The following DYNC2H1 variants were observed in gnomAD, a reference collection of about 807,000 sequenced individuals.
DYNC2H1 encodes the protein cytoplasmic dynein 2 heavy chain 1.
DYNC2H1 carries 410 observed loss-of-function variants against 570.0 expected under a neutral mutation model. The ratio of observed to expected loss-of-function variants is 0.72; its 90% CI spans 0.66 to 0.78. The LOEUF (loss-of-function observed/expected upper bound fraction) is 0.78. DYNC2H1 is among the 30% of genes least tolerant of loss of function. The pLI, the probability that DYNC2H1 is intolerant of heterozygous loss-of-function variation, is 0.00. For missense variants in DYNC2H1, 4,865 were observed against 5,046.4 expected, an observed-to-expected ratio of 0.96 and a Z score of 1.09; for synonymous variants, 1,688 against 1,677.6, an observed-to-expected ratio of 1.01 and a Z score of -0.15.
chr11:103,184,698 A>G (rs1312525240), intron 40 of DYNC2H1, among the ~76,000 whole-genome samples, 198 bp from the exon 41 acceptor site: 2 of 151,910 alleles, frequency 1.3e-5, no homozygotes, highest in Non-Finnish European at 2.9e-5. Context: ...GAAATATATG[A>G]TTGTACTTTC....
In DYNC2H1 at chr11:103,129,511, A is replaced by T. The variant is rs1321604346; in HGVS notation, c.1953+506A>T. 6.6e-6 allele frequency among the ~76,000 whole-genome samples: 1 copy of T among 152,030 alleles called. No individual in the cohort carries two copies. Among genetic ancestry groups the T allele is most frequent in the East Asian group, 1.9e-4 (1 of 5,174 alleles). On this transcript the variant is annotated intron_variant, in intron 13 of 88. Coordinates refer to ENST00000375735, the MANE Select transcript of DYNC2H1 (RefSeq NM_001377.3). The surrounding 1 kb of genome is among the most constrained non-coding windows in gnomAD (Gnocchi z 4.1). ...AGCCTGGCCAACATGGTGAAACCCCATCTCAACTAAAAATACAAAAAAATT... is the reference window on the plus strand; with the variant it reads ...AGCCTGGCCAACATGGTGAAACCCCTTCTCAACTAAAAATACAAAAAAATT...
intron 12 of DYNC2H1, among the ~76,000 whole-genome samples, chr11:103,127,194 A>G (rs868571743): frequency 2.0e-4 from 30 of 152,340 alleles, no homozygotes; most frequent in Middle Eastern, 3.4e-3. Context: ...ACTACTTAAA[A>G]GCAGAGAGGC....
In DYNC2H1 at chr11:103,245,493, T is replaced by C; in HGVS notation, c.10042+119T>C. On this transcript the variant is annotated intron_variant, in intron 65 of 88. Transcript: ENST00000375735. The surrounding 1 kb of genome is among the most constrained non-coding windows in gnomAD (Gnocchi z 4.5). Reference sequence around the variant, plus strand: ...GTGGAGTCACACATGATGGGCTTACTTCCTTCAGCAATATGTGTAAAGTTG... The same window carrying C: ...GTGGAGTCACACATGATGGGCTTACCTCCTTCAGCAATATGTGTAAAGTTG... The C allele has an allele frequency of 3.1e-6, 3 of 981,590 alleles. No individual in the cohort carries two copies. Among genetic ancestry groups the C allele is most frequent in the Non-Finnish European group, 2.9e-6 (2 of 683,280 alleles). The allele number at this position is 981,590 out of a possible 1,614,324, so 60.8% of individuals were successfully genotyped here.
intron 54 of DYNC2H1, among the ~76,000 whole-genome samples, chr11:103,213,468 CTT>C (rs1024466881): frequency 3.3e-5 from 5 of 150,310 alleles, no homozygotes; most frequent in Non-Finnish European, 4.4e-5. Context: ...TTTTTTAAGT[CTT>C]ATGGATTTAT....
chr11:103,276,944 T>C (rs758671577), intron 70 of DYNC2H1, among the ~76,000 whole-genome samples: 1 of 152,122 alleles, frequency 6.6e-6, no homozygotes, highest in East Asian at 1.9e-4. Context: ...TCAATTTCAT[T>C]CTCAACAGCA....
chr11:103,224,609 G>T (rs747933443), intron 59 of DYNC2H1, among the ~76,000 whole-genome samples: 1 of 152,108 alleles, frequency 6.6e-6, no homozygotes, highest in Non-Finnish European at 1.5e-5. Context: ...GCAGTATTCC[G>T]TGGGGTATAT....
chr11:103,175,552 T>G (rs1861766364), intron 36 of DYNC2H1, among the ~76,000 whole-genome samples: 1 of 152,212 alleles, frequency 6.6e-6, no homozygotes, highest in South Asian at 2.1e-4. Context: ...AAATAGTTTC[T>G]TTGACTTTAT....
Position 103,203,790 on chromosome 11 carries a change from A to T in DYNC2H1, c.8311+14A>T. The T allele has an allele frequency of 2.0e-6, 3 of 1,528,916 alleles. No homozygotes were observed. The highest frequency in any genetic ancestry group is 2.7e-6 in the Non-Finnish European group (3 of 1,115,948). 94.7% of individuals were successfully genotyped at this position (1,528,916 alleles called of 1,614,324 possible). A position where few individuals can be genotyped will look rare whatever the true frequency, so the allele number is the denominator to read the frequency against. ...ACTTCACATATAGTAAGTGACATAGAATTCATTAATCAAATCAAACTGGTT... is the reference window on the plus strand; with the variant it reads ...ACTTCACATATAGTAAGTGACATAGTATTCATTAATCAAATCAAACTGGTT... On this transcript the variant is annotated intron_variant, in intron 51 of 88. Transcript: ENST00000375735. The surrounding 1 kb of genome is among the most constrained non-coding windows in gnomAD (Gnocchi z 4.7).
chr11:103,385,506 A>G (rs1267475409), intron 83 of DYNC2H1, among the ~76,000 whole-genome samples: 3 of 152,124 alleles, frequency 2.0e-5, no homozygotes, highest in Non-Finnish European at 4.4e-5. Flanking sequence ...TTCATCTACC[A>G]TAGAATTAAA....
intron 13 of DYNC2H1, among the ~76,000 whole-genome samples, chr11:103,132,405 C>T (rs767388794): frequency 2.6e-5 from 4 of 151,940 alleles, no homozygotes; most frequent in Non-Finnish European, 5.9e-5. Context: ...GAATTTGTAA[C>T]TGCCTGTTGA....
At chr11:103,347,502 C>T (rs539597341) in intron 82 of DYNC2H1, among the ~76,000 whole-genome samples, 17 of 145,352 alleles carry the variant, frequency 1.2e-4, no homozygotes, top group South Asian at 4.4e-4. Context: ...TGTTTTAAAA[C>T]GCTTAAGGAA....
At chr11:103,462,412 C>T (rs1945048744) in intron 87 of DYNC2H1, among the ~76,000 whole-genome samples, 1 of 152,038 alleles carries the variant, frequency 6.6e-6, no homozygotes, top group Non-Finnish European at 1.5e-5. Flanking sequence ...TGTTTTTAGT[C>T]ATGCTAACAT....
chr11:103,191,813 G>T (rs544464489), intron 46 of DYNC2H1, among the ~76,000 whole-genome samples, 194 bp downstream of exon 46: 1 of 151,334 alleles, frequency 6.6e-6, no homozygotes, highest in Admixed American at 6.6e-5. Context: ...CTTCCTTTTG[G>T]GAAAAATGAA....
intron 47 of DYNC2H1, 75 bp from the exon 48 acceptor site, chr11:103,197,858 T>G: frequency 8.2e-6 from 12 of 1,455,212 alleles, no homozygotes; most frequent in South Asian, 1.3e-5. Context: ...TAAAAATGTT[T>G]TAGTAGGCAA....
At chr11:103,316,041 A>G (rs914828993) in intron 79 of DYNC2H1, among the ~76,000 whole-genome samples, 6 of 152,074 alleles carry the variant, frequency 3.9e-5, no homozygotes, top group African/African-American at 7.2e-5. Context: ...ATAGAGCTCT[A>G]TGAATATTCA....
chr11:103,250,420 T>C (rs2135245589), intron 65 of DYNC2H1, among the ~76,000 whole-genome samples: 1 of 152,238 alleles, frequency 6.6e-6, no homozygotes, highest in South Asian at 2.1e-4. Flanking sequence ...TGCATGATGC[T>C]GTGTTTGGAC....
In DYNC2H1 at chr11:103,211,843, A is replaced by G. The variant is rs1173977651; in HGVS notation, c.8594A>G (p.Tyr2865Cys). The G allele has an allele frequency of 2.0e-6, 3 of 1,478,156 alleles. No individual in the cohort carries two copies. Among genetic ancestry groups the G allele is most frequent in the Non-Finnish European group, 1.8e-6 (2 of 1,111,668 alleles). The allele number at this position is 1,478,156 out of a possible 1,614,324, so 91.6% of individuals were successfully genotyped here. The change falls in exon 54 of 89, where the codon TAT (tyrosine) becomes TGT (cysteine). Residue 2865 changes from tyrosine to cysteine, a missense_variant. By Grantham distance (194) the Tyr-to-Cys change is radical (BLOSUM62 -2). This residue lies in a region of DYNC2H1 where 2,401 missense variants were observed against 2,454.6 expected (regional missense o/e 0.98). Transcript: ENST00000375735. ...FLLIHESCKA[Y>C]GATPSRYMTF... ...TTAATCCATGAATCTTGTAAAGCAT[A>G]TGGTGCTACACCAAGCCGATACATG...
intron 18 of DYNC2H1, among the ~76,000 whole-genome samples, chr11:103,147,500 C>T (rs1047918443): frequency 2.0e-4 from 31 of 152,076 alleles, no homozygotes; most frequent in African/African-American, 7.2e-4. Flanking sequence ...TGACACTTTA[C>T]TAATTCATAA....
At chr11:103,398,794 T>TC (rs1942500353) in intron 83 of DYNC2H1, among the ~76,000 whole-genome samples, 1 of 152,168 alleles carries the variant, frequency 6.6e-6, no homozygotes, top group African/African-American at 2.4e-5. Context: ...CTTCAGTTTT[T>TC]CTTAAGAAAC....
Sources: gnomAD v4.1 joint callset for allele counts (sites outside exome capture counted in the v4.1 genomes callset) on GRCh38, gnomAD v4.1.1 for gene constraint, gnomAD v4.1.1 regional missense constraint, Gnocchi (gnomAD v3.1) non-coding constraint, MANE v1.5 for transcripts, NCBI Gene and HGNC (gene_info 2026-07-23, HGNC 2026-07-21) for gene names.